TINAG: variants seen among roughly 807,000 people sequenced by gnomAD.
TINAG encodes the protein tubulointerstitial nephritis antigen.
Under a neutral mutation model 72.7 loss-of-function variants are expected in TINAG, and 83 were observed. The ratio of observed to expected loss-of-function variants is 1.14; its 90% CI spans 0.96 to 1.37. The LOEUF is 1.37. Ranked by LOEUF, TINAG falls within the 40% of genes most tolerant of loss-of-function variation. TINAG has a pLI of 0.00. For synonymous variants in TINAG, 234 were observed against 189.9 expected (o/e 1.23, Z -1.91); for missense variants, 685 against 576.6 (o/e 1.19, Z -1.93).
chr6:54,343,474 C>T, intron 5 of TINAG, 125 bp downstream of exon 5: 1 of 956,514 alleles, frequency 1.0e-6, no homozygotes, highest in Non-Finnish European at 1.4e-6. Flanking sequence ...AATAAAATCT[C>T]ATTATGATGG....
intron 4 of TINAG, among the ~76,000 whole-genome samples, chr6:54,331,879 A>T (rs1202455692): frequency 6.6e-6 from 1 of 152,200 alleles, no homozygotes; most frequent in Non-Finnish European, 1.5e-5. Context: ...AGAGAATAAG[A>T]TACCTCAGAA....
chr6:54,360,359 A>C (rs899946048), intron 9 of TINAG, among the ~76,000 whole-genome samples: 5 of 151,738 alleles, frequency 3.3e-5, no homozygotes, highest in African/African-American at 1.2e-4. Context: ...TATACCAATA[A>C]AAAGAGGAAA....
chr6:54,310,907 C>CTTTCTT (rs55742881), intron 1 of TINAG, among the ~76,000 whole-genome samples: 117,104 of 145,542 alleles, frequency 0.8, 47,519 homozygotes, highest in African/African-American at 0.87. Flanking sequence ...CCCTCTTTCT[C>CTTTCTT]TTTCTCTCTC....
At chr6:54,386,382 A>C (rs1392921631) in intron 10 of TINAG, among the ~76,000 whole-genome samples, 1 of 152,112 alleles carries the variant, frequency 6.6e-6, no homozygotes, top group East Asian at 1.9e-4. Flanking sequence ...ATGCCATCAA[A>C]GTGTTGTCTG....
intron 9 of TINAG, among the ~76,000 whole-genome samples, chr6:54,372,534 G>A (rs1763651471): frequency 6.6e-6 from 1 of 151,804 alleles, no homozygotes; most frequent in African/African-American, 2.4e-5. Flanking sequence ...TGAAGGGAGA[G>A]GACATCAGGG....
chr6:54,316,875 G>A (rs1460387206), intron 1 of TINAG, among the ~76,000 whole-genome samples: 2 of 151,998 alleles, frequency 1.3e-5, no homozygotes, highest in Non-Finnish European at 1.5e-5. Flanking sequence ...TTCTCAATTC[G>A]AGAAGATAAA....
chr6:54,382,115 G>A (rs1356870765), intron 10 of TINAG, among the ~76,000 whole-genome samples: 1 of 151,846 alleles, frequency 6.6e-6, no homozygotes, highest in African/African-American at 2.4e-5. Context: ...ACTTACTATC[G>A]ATTCTGAACT....
chr6:54,380,450 C>T, intron 9 of TINAG, 76 bp from the exon 10 acceptor site: 1 of 1,239,800 alleles, frequency 8.1e-7, no homozygotes, highest in Non-Finnish European at 1.2e-6. Flanking sequence ...GTAGGAATGA[C>T]AATAATCTGC....
intron 10 of TINAG, among the ~76,000 whole-genome samples, chr6:54,388,439 T>G (rs754023361): frequency 5.3e-5 from 8 of 152,174 alleles, no homozygotes; most frequent in Non-Finnish European, 1.0e-4. Context: ...AATTGGCTAT[T>G]TCTTAAAGTT....
rs778114336 is a variant in TINAG at position 54,343,344 on chromosome 6, C to T, written c.743C>T (p.Thr248Ile). 1 of 1,537,534 alleles carries T rather than the reference C, an allele frequency of 6.5e-7. No homozygotes were observed. Among genetic ancestry groups the T allele is most frequent in the Non-Finnish European group, 8.8e-7 (1 of 1,139,004 alleles). ...TGTGCTGCATCCTGGGCATTTTCCA[C>T]TGCAAGTAATAAAGTCATTTTAATT... Reference protein sequence around the residue: ...KNCAASWAFSTASVAADRIAI... With the variant: ...KNCAASWAFSIASVAADRIAI... The change falls in exon 5 of 11, where the codon ACT becomes ATT. Residue 248 changes from threonine (T) to isoleucine (I), a missense_variant. By Grantham distance (89) the Thr-to-Ile change is moderately conservative. Transcript: ENST00000259782.
intron 8 of TINAG, among the ~76,000 whole-genome samples, 175 bp from the exon 9 acceptor site, chr6:54,354,338 A>G (rs1785338481): frequency 6.6e-6 from 1 of 151,948 alleles, no homozygotes; most frequent in Non-Finnish European, 1.5e-5. Context: ...TATAAGATAA[A>G]AAAATATTGC....
At chr6:54,387,875 A>G (rs996579318) in intron 10 of TINAG, among the ~76,000 whole-genome samples, 8 of 152,160 alleles carry the variant, frequency 5.3e-5, no homozygotes, top group Non-Finnish European at 1.2e-4. Context: ...AATAAGATTA[A>G]TAAACAAAAT....
chr6:54,345,473 A>G (rs1377640828), intron 5 of TINAG, among the ~76,000 whole-genome samples: 1 of 152,144 alleles, frequency 6.6e-6, no homozygotes, highest in African/African-American at 2.4e-5. Context: ...GAAATATCAG[A>G]AATAATCCTG....
At chr6:54,372,727 C>CATACATATATAT (rs1554209119) in intron 9 of TINAG, among the ~76,000 whole-genome samples, 1 of 133,960 alleles carries the variant, frequency 7.5e-6, no homozygotes, top group Admixed American at 8.9e-5. Flanking sequence ...TAAATACATA[C>CATACATATATAT]ATATATATAT....
At chr6:54,326,650 A>G (rs1784609016) in intron 3 of TINAG, 152 bp from the exon 4 acceptor site, 1 of 552,286 alleles carries the variant, frequency 1.8e-6, no homozygotes, top group Non-Finnish European at 3.1e-6. Context: ...ATAATGCATC[A>G]TTATATAAAG....
At chr6:54,383,641 C>T (rs936726368) in intron 10 of TINAG, among the ~76,000 whole-genome samples, 1 of 151,954 alleles carries the variant, frequency 6.6e-6, no homozygotes, top group Non-Finnish European at 1.5e-5. Flanking sequence ...ATGTGACCAG[C>T]AACCAAGGGA....
intron 9 of TINAG, among the ~76,000 whole-genome samples, chr6:54,379,576 A>G (rs1763884441): frequency 6.6e-6 from 1 of 152,088 alleles, no homozygotes; most frequent in South Asian, 2.1e-4. Context: ...TACATAAACT[A>G]CAAAATTATC....
chr6:54,350,618 A>G (rs1785242917), intron 7 of TINAG, among the ~76,000 whole-genome samples: 1 of 148,440 alleles, frequency 6.7e-6, no homozygotes, highest in Admixed American at 6.9e-5. Context: ...CTAGGTGATA[A>G]TTCCTCTGAT....
chr6:54,368,460 G>C (rs1763504714), intron 9 of TINAG, among the ~76,000 whole-genome samples: 1 of 150,238 alleles, frequency 6.7e-6, no homozygotes, highest in Non-Finnish European at 1.5e-5. Context: ...GTGTGGTGAA[G>C]ATCTAATTTT....
Sources: gnomAD v4.1 joint callset for allele counts (sites outside exome capture counted in the v4.1 genomes callset) on GRCh38, gnomAD v4.1.1 for gene constraint, MANE v1.5 for transcripts, NCBI Gene and HGNC (gene_info 2026-07-23, HGNC 2026-07-21) for gene names.